Variants in PTPRD observed in about 807,000 individuals in gnomAD.
PTPRD encodes the protein protein tyrosine phosphatase receptor type D.
In PTPRD, 34 loss-of-function variants were observed where a neutral mutation model predicts 214.5. The ratio of observed to expected loss-of-function variants is 0.16; its 90% CI spans 0.12 to 0.21. The LOEUF (loss-of-function observed/expected upper bound fraction) is 0.21. PTPRD is among the 10% of genes least tolerant of loss of function. PTPRD has a pLI of 1.00. For synonymous variants in PTPRD, 1,128 were observed against 845.7 expected, an observed-to-expected ratio of 1.33 and a Z score of -5.79; for missense variants, 2,545 against 2,398.7, an observed-to-expected ratio of 1.06 and a Z score of -1.27.
intron 7 of PTPRD, among the ~76,000 whole-genome samples, chr9:9,603,627 T>G (rs1002060404): frequency 6.6e-6 from 1 of 151,700 alleles, no homozygotes; most frequent in East Asian, 1.9e-4. Flanking sequence ...TTGTGAACAG[T>G]GCATGTGTGA....
intron 3 of PTPRD, among the ~76,000 whole-genome samples, chr9:10,078,250 C>T (rs776526352): frequency 2.6e-5 from 4 of 151,208 alleles, no homozygotes; most frequent in Middle Eastern, 3.4e-3. Flanking sequence ...CAGTGGCTTA[C>T]GCATGTAATC....
intron 2 of PTPRD, among the ~76,000 whole-genome samples, chr9:10,477,416 C>A (rs1271719967): frequency 6.6e-6 from 1 of 152,056 alleles, no homozygotes; most frequent in African/African-American, 2.4e-5. Context: ...AAATGCAAAT[C>A]AAAACCACAA....
chr9:9,876,770 T>A (rs965826957), intron 5 of PTPRD, among the ~76,000 whole-genome samples: 1 of 152,172 alleles, frequency 6.6e-6, no homozygotes. Context: ...GTTATGTTAT[T>A]GTGGTGACAC....
chr9:8,703,364 C>T (rs1597428038), intron 12 of PTPRD, among the ~76,000 whole-genome samples: 1 of 152,152 alleles, frequency 6.6e-6, no homozygotes, highest in Non-Finnish European at 1.5e-5. Context: ...ATTCAGAATT[C>T]TCTGTTCCAC....
In PTPRD at chr9:9,082,101, A is replaced by T. The variant is rs112885580; in HGVS notation, c.-142-63366T>A. Among the ~76,000 whole-genome samples the T allele has an allele frequency of 1.8e-3, 236 of 128,440 alleles. 2 individuals carry two copies. The highest frequency in any genetic ancestry group is 8.0e-3 in the African/African-American group (226 of 28,370). 84.3% of individuals were successfully genotyped at this position (128,440 alleles called of 152,430 possible). ...ATAGAAAAAGACGGACTCCTCCCTA[A>T]CTCATTTTATGAGGCCAGCATCATC... On this transcript the variant is annotated intron_variant, in intron 10 of 45. Transcript: ENST00000381196.
intron 5 of PTPRD, among the ~76,000 whole-genome samples, chr9:9,854,551 G>A (rs2061175829): frequency 6.6e-6 from 1 of 151,732 alleles, no homozygotes; most frequent in African/African-American, 2.4e-5. Flanking sequence ...TTTCTCAGAA[G>A]ATTTCTACTG....
intron 2 of PTPRD, among the ~76,000 whole-genome samples, chr9:10,511,173 C>T (rs1412899664): frequency 3.3e-5 from 5 of 151,998 alleles, no homozygotes; most frequent in Admixed American, 1.3e-4. Context: ...ATTTCATAGT[C>T]GAAGTATGTG....
At chr9:8,657,383 G>T (rs1446259964) in intron 12 of PTPRD, among the ~76,000 whole-genome samples, 3 of 151,944 alleles carry the variant, frequency 2.0e-5, no homozygotes, top group Admixed American at 2.0e-4. Flanking sequence ...TGGCCAGGCT[G>T]GTCTCGAACT....
intron 2 of PTPRD, among the ~76,000 whole-genome samples, chr9:10,568,716 C>A (rs186379221): frequency 6.6e-6 from 1 of 152,212 alleles, no homozygotes. Flanking sequence ...ACTGGCTAGC[C>A]ATATGTAGAA....
At chr9:10,300,406 G>C (rs918384881) in intron 3 of PTPRD, among the ~76,000 whole-genome samples, 1 of 152,154 alleles carries the variant, frequency 6.6e-6, no homozygotes, top group African/African-American at 2.4e-5. Flanking sequence ...ATGCCAGCAA[G>C]ACAGAACCAT....
At chr9:8,683,299 A>G (rs894820878) in intron 12 of PTPRD, among the ~76,000 whole-genome samples, 5 of 152,130 alleles carry the variant, frequency 3.3e-5, no homozygotes, top group Non-Finnish European at 7.4e-5. Flanking sequence ...TAGGGAGAAT[A>G]TAAGACCCTA....
At chr9:8,373,854 G>GTGTGTGTC (rs1564367376) in intron 39 of PTPRD, among the ~76,000 whole-genome samples, 2 of 129,248 alleles carry the variant, frequency 1.5e-5, no homozygotes, top group African/African-American at 5.9e-5. Flanking sequence ...GTATGTGTAT[G>GTGTGTGTC]TGTCTGTCTG....
chr9:9,581,873 T>C (rs971015547), intron 7 of PTPRD, among the ~76,000 whole-genome samples: 17 of 152,142 alleles, frequency 1.1e-4, no homozygotes, highest in African/African-American at 3.9e-4. Flanking sequence ...AAATATTTAC[T>C]AAACAATTAT....
chr9:9,568,354 A>G (rs2154298125), intron 8 of PTPRD, among the ~76,000 whole-genome samples: 1 of 152,030 alleles, frequency 6.6e-6, no homozygotes, highest in Admixed American at 6.6e-5. Context: ...ATTAATTATA[A>G]GCAGAATCAG....
At chr9:10,025,391 A>C (rs2096904731) in intron 4 of PTPRD, among the ~76,000 whole-genome samples, 4 of 152,202 alleles carry the variant, frequency 2.6e-5, no homozygotes, top group African/African-American at 9.7e-5. Context: ...CAAATCCTTC[A>C]AGAAATTTAG....
At chr9:10,471,861 T>A (rs1244375550) in intron 2 of PTPRD, among the ~76,000 whole-genome samples, 1 of 152,044 alleles carries the variant, frequency 6.6e-6, no homozygotes, top group Non-Finnish European at 1.5e-5. Flanking sequence ...AGACCATAAT[T>A]ATTTGAAAAG....
chr9:10,397,003 C>T (rs1445511692), intron 2 of PTPRD, among the ~76,000 whole-genome samples: 1 of 151,984 alleles, frequency 6.6e-6, no homozygotes, highest in Admixed American at 6.6e-5. Flanking sequence ...TCTGGGGAAA[C>T]TACAGGCAGG....
chr9:8,584,163 A>T (rs544021848), intron 14 of PTPRD, among the ~76,000 whole-genome samples: 26 of 152,272 alleles, frequency 1.7e-4, no homozygotes, highest in Admixed American at 1.2e-3. Context: ...CAAAATTTTT[A>T]AAAAATTTTA....
chr9:8,664,164 GA>G (rs2097125639), intron 12 of PTPRD, among the ~76,000 whole-genome samples: 1 of 152,110 alleles, frequency 6.6e-6, no homozygotes, highest in African/African-American at 2.4e-5. Context: ...GAAACTTGAA[GA>G]TATGCAAACG....
Sources: allele counts gnomAD v4.1 joint callset (sites outside exome capture counted in the v4.1 genomes callset), GRCh38; gene constraint gnomAD v4.1.1; transcripts MANE v1.5; gene names NCBI Gene and HGNC (gene_info 2026-07-23, HGNC 2026-07-21).